Variants in DRG1 observed in about 807,000 individuals in gnomAD.
The protein encoded by DRG1 is developmentally-regulated GTP-binding protein 1.
A neutral mutation model predicts 38.8 loss-of-function variants in DRG1; 19 were observed. That is an observed-to-expected ratio of 0.49 (90% CI 0.34 to 0.72). The LOEUF (loss-of-function observed/expected upper bound fraction) is 0.72. DRG1 is among the 30% of genes least tolerant of loss of function. The probability of loss-of-function intolerance (pLI) is 0.01; values close to 1 mark genes in which losing one functional copy is unlikely to be tolerated. For synonymous variants in DRG1, 167 were observed against 157.5 expected, an observed-to-expected ratio of 1.06 and a Z score of -0.45; for missense variants, 299 against 444.8, an observed-to-expected ratio of 0.67 and a Z score of 2.95.
At chr22:31,401,812 G>A (rs1763381424) in intron 2 of DRG1, among the ~76,000 whole-genome samples, 3 of 151,944 alleles carry the variant, frequency 2.0e-5, no homozygotes, top group African/African-American at 7.3e-5. Context: ...CCAGCACTTC[G>A]GGAGGCCGAA....
chr22:31,433,363 C>T (rs940548880), intron 8 of DRG1, among the ~76,000 whole-genome samples: 7 of 151,652 alleles, frequency 4.6e-5, no homozygotes, highest in East Asian at 1.9e-4. Context: ...CTCCGCCTCC[C>T]GGGTTCAAGC....
chr22:31,424,423 T>C (rs1416835882), intron 6 of DRG1, among the ~76,000 whole-genome samples: 1 of 151,682 alleles, frequency 6.6e-6, no homozygotes, highest in Non-Finnish European at 1.5e-5. Flanking sequence ...AATGTTAGGA[T>C]TACAGACATG....
chr22:31,403,560 G>A lies in DRG1; in HGVS notation c.342+356G>A, dbSNP rs561354328. On this transcript the variant is annotated intron_variant, in intron 3 of 8. Coordinates refer to ENST00000331457, the MANE Select transcript of DRG1 (RefSeq NM_004147.4). ...CACATGCCTGTAATCCCAGCAACTC[G>A]GGAGGCTGAGGCTGGAGAATCGCTT... is the stretch of plus-strand genomic sequence containing the variant. Among the ~76,000 whole-genome samples the A allele has an allele frequency of 1.6e-4, 24 of 152,222 alleles. No individual in the cohort carries two copies. The South Asian group carries it at 4.8e-3, about 30-fold the overall frequency.
intron 6 of DRG1, among the ~76,000 whole-genome samples, chr22:31,425,440 CTTT>C (rs34249543): frequency 7.3e-5 from 10 of 137,176 alleles, no homozygotes; most frequent in Admixed American, 7.5e-5. Flanking sequence ...TGATACATTA[CTTT>C]TTTTTTTTTT....
At chr22:31,400,796 A>G in intron 2 of DRG1, 53 bp downstream of exon 2, 1 of 1,574,134 alleles carries the variant, frequency 6.4e-7, no homozygotes, top group Non-Finnish European at 8.6e-7. Context: ...TTGTCAAAAT[A>G]GTACATACAT....
At chr22:31,401,018 A>G (rs916509488) in intron 2 of DRG1, among the ~76,000 whole-genome samples, 3 of 152,168 alleles carry the variant, frequency 2.0e-5, no homozygotes, top group Non-Finnish European at 4.4e-5. Flanking sequence ...ATATTTTCTA[A>G]GCATGAATTC....
At chr22:31,402,749 A>T (rs904321417) in intron 2 of DRG1, among the ~76,000 whole-genome samples, 1 of 152,036 alleles carries the variant, frequency 6.6e-6, no homozygotes, top group Non-Finnish European at 1.5e-5. Context: ...GACTCAAGAG[A>T]TCCTCCTGCC....
intron 1 of DRG1, among the ~76,000 whole-genome samples, chr22:31,399,950 C>T (rs975581832): frequency 6.6e-6 from 1 of 152,110 alleles, no homozygotes; most frequent in Non-Finnish European, 1.5e-5. Flanking sequence ...CTCGGACTCC[C>T]CTTTGCCCGG....
intron 8 of DRG1, among the ~76,000 whole-genome samples, chr22:31,432,794 C>G (rs1043968560): frequency 6.6e-6 from 1 of 151,904 alleles, no homozygotes; most frequent in Non-Finnish European, 1.5e-5. Flanking sequence ...CTCCTGACCT[C>G]GTGATCCGCC....
intron 3 of DRG1, 56 bp downstream of exon 3, chr22:31,403,260 A>C: frequency 1.3e-6 from 2 of 1,524,174 alleles, no homozygotes; most frequent in Non-Finnish European, 1.8e-6. Flanking sequence ...ATTTAGGAAG[A>C]AGTTTATTGG....
Position 31,433,996 on chromosome 22 carries a change from G to T in DRG1, c.*25G>T. ...AAACCTTTCCCTTTTCCCATCTGCC[G>T]GACGAACCACAACAGCGTTCCCCAT... On this transcript the variant is annotated 3_prime_UTR_variant, in exon 9 of 9. Transcript: ENST00000331457. 1 of 1,604,322 alleles carries T rather than the reference G, an allele frequency of 6.2e-7. No homozygotes were observed. Among genetic ancestry groups the T allele is most frequent in the Non-Finnish European group, 8.5e-7 (1 of 1,172,102 alleles).
At chr22:31,427,854 C>G (rs930276604) in intron 8 of DRG1, among the ~76,000 whole-genome samples, 9 of 152,086 alleles carry the variant, frequency 5.9e-5, no homozygotes, top group African/African-American at 2.2e-4. Context: ...CTGCCTCAAC[C>G]TCCTGAGTAG....
intron 2 of DRG1, among the ~76,000 whole-genome samples, chr22:31,402,780 G>T (rs952045326): frequency 6.6e-6 from 1 of 152,086 alleles, no homozygotes; most frequent in Non-Finnish European, 1.5e-5. Context: ...GAATAGCAGG[G>T]ACTATAGATG....
At chr22:31,421,100 A>C (rs925158374) in intron 5 of DRG1, among the ~76,000 whole-genome samples, 6 of 151,962 alleles carry the variant, frequency 3.9e-5, no homozygotes, top group African/African-American at 1.4e-4. Context: ...TTGTATTTTT[A>C]GTAGAGACGG....
Position 31,434,162 on chromosome 22 carries a change from C to G in DRG1, c.*191C>G. 2 of 550,364 alleles carry G rather than the reference C, an allele frequency of 3.6e-6. No individual in the cohort carries two copies. The highest frequency in any genetic ancestry group is 3.3e-6 in the Non-Finnish European group (1 of 304,976). 34.1% of individuals were successfully genotyped at this position (550,364 alleles called of 1,614,324 possible). ...TTGTATGTCGAACTGCATAAAAGAT[C>G]TGGTAGGCTGGTCAGCTACATGCAG... On this transcript the variant is annotated 3_prime_UTR_variant, in exon 9 of 9. Coordinates refer to ENST00000331457, the MANE Select transcript of DRG1 (RefSeq NM_004147.4).
At chr22:31,405,679 G>T (rs757114536) in intron 3 of DRG1, among the ~76,000 whole-genome samples, 2 of 146,244 alleles carry the variant, frequency 1.4e-5, no homozygotes, top group African/African-American at 2.5e-5. Context: ...GTGTGTGTGT[G>T]TGGGGGGGTT....
At chr22:31,413,507 A>G (rs2050028863) in intron 4 of DRG1, among the ~76,000 whole-genome samples, 1 of 148,984 alleles carries the variant, frequency 6.7e-6, no homozygotes, top group Non-Finnish European at 1.5e-5. Context: ...ATTATTTTTA[A>G]TTTCTAAGAC....
In DRG1 at chr22:31,399,635, G is replaced by A. The variant is rs368813775; in HGVS notation, c.-49G>A. The stretch of plus-strand genomic sequence containing the variant: ...GCCTGGTGGCGGTGGCAGTTTGCCC[G>A]CGGGTGTGTGAAGGGAGACAGTGTG... On this transcript the variant is annotated 5_prime_UTR_variant, in exon 1 of 9. Transcript: ENST00000331457. 4.2e-4 allele frequency: 680 copies of A among 1,613,698 alleles called. No individual in the cohort carries two copies. The highest frequency in any genetic ancestry group is 5.5e-4 in the Non-Finnish European group (648 of 1,179,712).
intron 5 of DRG1, among the ~76,000 whole-genome samples, chr22:31,422,058 C>A (rs2050079643): frequency 6.6e-6 from 1 of 151,348 alleles, no homozygotes; most frequent in Non-Finnish European, 1.5e-5. Context: ...TTGCAGTGAG[C>A]CGAGATGACG....
Sources: gnomAD v4.1 joint callset for allele counts (sites outside exome capture counted in the v4.1 genomes callset) on GRCh38, gnomAD v4.1.1 for gene constraint, MANE v1.5 for transcripts, NCBI Gene and HGNC (gene_info 2026-07-23, HGNC 2026-07-21) for gene names.